The following TRPV1 variants were observed in gnomAD, a reference collection of about 807,000 sequenced individuals.
The protein encoded by TRPV1 is OTRPC1.
A neutral mutation model predicts 82.3 loss-of-function variants in TRPV1; 82 were observed. That is an observed-to-expected ratio of 1.00 (90% CI 0.83 to 1.20). The LOEUF (loss-of-function observed/expected upper bound fraction) is 1.20. Ranked by LOEUF, TRPV1 falls within the 50% of genes most tolerant of loss-of-function variation. The pLI is 0.00. For missense variants in TRPV1, 1,067 were observed against 1,096.8 expected, an observed-to-expected ratio of 0.97 and a Z score of 0.38; for synonymous variants, 515 against 467.7, an observed-to-expected ratio of 1.10 and a Z score of -1.30.
chr17:3,579,407 G>A (rs568777946), intron 11 of TRPV1, among the ~76,000 whole-genome samples: 1 of 152,062 alleles, frequency 6.6e-6, no homozygotes, highest in African/African-American at 2.4e-5. Context: ...GAAGGCCCTC[G>A]GTGCACACTG....
Position 3,565,543 on chromosome 17 carries a change from A to C in TRPV1, c.*1272T>G, listed in dbSNP as rs1464521208. 6.6e-6 allele frequency: 1 copy of C among 152,248 alleles called. No homozygotes were observed. Among genetic ancestry groups the C allele is most frequent in the Non-Finnish European group, 1.5e-5 (1 of 68,068 alleles). The allele number at this position is 152,248 out of a possible 1,614,324, so 9.4% of individuals were successfully genotyped here. ...GCAGGACTGGGGTTCCTAGAAATGG[A>C]AGATCTTTCAAACATTCTTACCAGG... On this transcript the variant is annotated 3_prime_UTR_variant, in exon 17 of 17. Coordinates refer to ENST00000572705, the MANE Select transcript of TRPV1 (RefSeq NM_080704.4).
chr17:3,592,671 G>C (rs2075174826), intron 2 of TRPV1: 1 of 358,774 alleles, frequency 2.8e-6, no homozygotes. Flanking sequence ...TTCTGGGTTA[G>C]ACCCATCCCT....
intron 13 of TRPV1, among the ~76,000 whole-genome samples, chr17:3,575,257 C>T (rs186163765): frequency 4.6e-5 from 7 of 152,080 alleles, no homozygotes; most frequent in East Asian, 3.9e-4. Flanking sequence ...CCAAGGCAGG[C>T]GGATCACCTG....
chr17:3,586,898 A>G (rs1457671470), intron 8 of TRPV1, among the ~76,000 whole-genome samples: 1 of 152,128 alleles, frequency 6.6e-6, no homozygotes, highest in African/African-American at 2.4e-5. Flanking sequence ...AAGCTCCCTC[A>G]AAGAGGTTCC....
In TRPV1 at chr17:3,590,246, C is replaced by G; in HGVS notation, c.745+6G>C. Reference sequence around the variant, plus strand: ...AAGATCAGGGTCTGCCACACTGTCTCCCTACCGAAGTAGAATCCAGGCCGC... The same window carrying G: ...AAGATCAGGGTCTGCCACACTGTCTGCCTACCGAAGTAGAATCCAGGCCGC... On this transcript the variant is annotated splice_donor_region_variant and intron_variant, in intron 6 of 16. Coordinates refer to ENST00000572705, the MANE Select transcript of TRPV1 (RefSeq NM_080704.4). 1 of 1,613,670 alleles carries G rather than the reference C, an allele frequency of 6.2e-7. No individual in the cohort carries two copies. Among genetic ancestry groups the G allele is most frequent in the Non-Finnish European group, 8.5e-7 (1 of 1,179,708 alleles).
Position 3,573,818 on chromosome 17 carries a change from T to C in TRPV1, c.1918A>G (p.Lys640Glu). ...AGGTCGCCCATGCCGATGGTGAACT[T>C]GAACAGCTCCAGGCAGGTGGAGTAC... ...SLYSTCLELF[K>E]FTIGMGDLEF... is the part of the protein sequence containing the mutation. Residue 640 changes from lysine (K) to glutamate (E), a missense_variant, in exon 14 of 17, where the codon AAG (lysine) becomes GAG (glutamate). Physicochemically the swap from Lys to Glu is moderately conservative, Grantham distance 56. Coordinates refer to ENST00000572705, the MANE Select transcript of TRPV1 (RefSeq NM_080704.4). 6.2e-7 allele frequency: 1 copy of C among 1,613,756 alleles called. No homozygotes were observed. The highest frequency in any genetic ancestry group is 8.5e-7 in the Non-Finnish European group (1 of 1,179,840).
At chr17:3,569,994 AGGAGGGGCCAAGCGGTCAGGG>A in intron 16 of TRPV1, among the ~76,000 whole-genome samples, 2 of 144,684 alleles carry the variant, frequency 1.4e-5, no homozygotes, top group African/African-American at 5.2e-5. Flanking sequence ...GCGGTCAGGG[AGGAGGGGCCAAGCGGTCAGGG>A]AGGAGGGGCC....
chr17:3,581,944 A>G (rs1243071921), intron 10 of TRPV1, among the ~76,000 whole-genome samples: 15 of 147,560 alleles, frequency 1.0e-4, no homozygotes, highest in South Asian at 4.4e-4. Context: ...TAATCCCAGC[A>G]CTTTGGGAGG....
intron 2 of TRPV1, among the ~76,000 whole-genome samples, chr17:3,597,553 A>G (rs1317026706): frequency 6.6e-6 from 1 of 152,014 alleles, no homozygotes; most frequent in African/African-American, 2.4e-5. Context: ...TGGGTCCCCA[A>G]ACCTGGAGTA....
chr17:3,606,488 TC>T (rs1240453371), intron 2 of TRPV1, among the ~76,000 whole-genome samples: 10 of 152,078 alleles, frequency 6.6e-5, no homozygotes, highest in Non-Finnish European at 1.5e-4. Context: ...CCGAAGCGGA[TC>T]GGGGGGAAGG....
chr17:3,579,836 C>T (rs2074982229), intron 11 of TRPV1, among the ~76,000 whole-genome samples: 1 of 152,170 alleles, frequency 6.6e-6, no homozygotes, highest in South Asian at 2.1e-4. Context: ...CGGTGGTTCT[C>T]AACCGGGAGT....
chr17:3,599,749 C>T (rs2075248377), intron 2 of TRPV1, among the ~76,000 whole-genome samples: 1 of 152,034 alleles, frequency 6.6e-6, no homozygotes, highest in African/African-American at 2.4e-5. Flanking sequence ...CTGCCTCAGC[C>T]TCCCGAGTAG....
intron 5 of TRPV1, 133 bp downstream of exon 5, chr17:3,590,831 T>A: frequency 7.8e-7 from 1 of 1,279,372 alleles, no homozygotes; most frequent in South Asian, 1.6e-5. Context: ...CCCCTAGGAT[T>A]AGGAGCCACC....
At chr17:3,580,645 A>G in intron 10 of TRPV1, 118 bp from the exon 11 acceptor site, 1 of 1,092,704 alleles carries the variant, frequency 9.2e-7, no homozygotes, top group South Asian at 1.3e-5. Context: ...GAAAGCACAG[A>G]TTGTGAAAAG....
intron 8 of TRPV1, among the ~76,000 whole-genome samples, chr17:3,587,770 A>G (rs2075102232): frequency 2.0e-5 from 3 of 151,598 alleles, no homozygotes; most frequent in Middle Eastern, 3.4e-3. Context: ...CCGGGATGGC[A>G]CCATTTCACT....
Position 3,589,872 on chromosome 17 carries a change from C to T in TRPV1, c.979G>A (p.Glu327Lys), listed in dbSNP as rs1228034023. The T allele has an allele frequency of 6.2e-7, 1 of 1,613,040 alleles. No individual in the cohort carries two copies. The highest frequency in any genetic ancestry group is 2.2e-5 in the East Asian group (1 of 44,838). ...ATTCCCTTCTTGTTGGTGAGCTCCT[C>T]CAGCTTCAGCGTCGGGTGCAGTTTG... is the stretch of plus-strand genomic sequence containing the variant. ...GAKLHPTLKL[E>K]ELTNKKGMTP... The change falls in exon 7 of 17, where the codon GAG (glutamate) becomes AAG (lysine). Residue 327 changes from glutamate (E) to lysine (K), a missense_variant. By Grantham distance (56) the Glu-to-Lys change is moderately conservative. Coordinates refer to ENST00000572705, the MANE Select transcript of TRPV1 (RefSeq NM_080704.4).
intron 14 of TRPV1, 38 bp downstream of exon 14, chr17:3,573,595 T>C: frequency 8.1e-7 from 1 of 1,228,594 alleles, no homozygotes; most frequent in Non-Finnish European, 1.0e-6. Context: ...GCCCACACTC[T>C]CCGCGCCACT....
At position 3,593,989 on chromosome 17, in the gene TRPV1, G is replaced by T. The variant is rs942327265; in HGVS notation, c.-33-1606C>A. 5.9e-5 allele frequency among the ~76,000 whole-genome samples: 9 copies of T among 151,954 alleles called. No homozygotes were observed. The South Asian group carries it at 8.3e-4, about 14-fold the overall frequency. On this transcript the variant is annotated intron_variant, in intron 2 of 16. Coordinates refer to ENST00000572705, the MANE Select transcript of TRPV1 (RefSeq NM_080704.4). Reference sequence around the variant, plus strand: ...AAAAAAATACAAAAATTAGCCGGGCGTGGTGTCGGGCGCCTGTAATCCCAG... The same window carrying T: ...AAAAAAATACAAAAATTAGCCGGGCTTGGTGTCGGGCGCCTGTAATCCCAG...
chr17:3,585,917 CGT>C lies in TRPV1; in HGVS notation c.1232_1233del (p.His411ArgfsTer54). On this transcript the variant is annotated frameshift_variant, in exon 9 of 17. Coordinates refer to ENST00000572705, the MANE Select transcript of TRPV1 (RefSeq NM_080704.4). LOFTEE classifies it high-confidence loss of function. ...AYSSSETPNR[H>X]DMLLVEPLNR... ...TTCAGCGGCTCCACCAAGAGCATGT[CGT>C]GGCGATTCTAGGGGGTGGGGAGAGA... 6 of 1,613,816 alleles carry C rather than the reference CGT, an allele frequency of 3.7e-6. No homozygotes were observed. The highest frequency in any genetic ancestry group is 5.1e-6 in the Non-Finnish European group (6 of 1,179,808).
Sources: gnomAD v4.1 joint callset for allele counts (sites outside exome capture counted in the v4.1 genomes callset) on GRCh38, gnomAD v4.1.1 for gene constraint, MANE v1.5 for transcripts, NCBI Gene and HGNC (gene_info 2026-07-23, HGNC 2026-07-21) for gene names.